The following NUBPL variants were observed in gnomAD, a reference collection of about 807,000 sequenced individuals.
The protein encoded by NUBPL is iron-sulfur cluster transfer protein NUBPL.
Under a neutral mutation model 45.7 loss-of-function variants are expected in NUBPL, and 31 were observed. The observed-to-expected ratio is 0.68, with a 90% CI of 0.51 to 0.92. The LOEUF (loss-of-function observed/expected upper bound fraction) is 0.92, where lower values mean the gene tolerates loss of function less well. Among genes scored for constraint, NUBPL ranks in the 40% least tolerant of loss-of-function variants. The pLI is 0.00. For synonymous variants in NUBPL, 144 were observed against 140.9 expected (o/e 1.02, Z -0.15); for missense variants, 401 against 398.7 (o/e 1.01, Z -0.05).
chr14:31,820,035 G>C (rs1163400338), intron 7 of NUBPL, among the ~76,000 whole-genome samples: 3 of 151,558 alleles, frequency 2.0e-5, no homozygotes, highest in Non-Finnish European at 2.9e-5. Flanking sequence ...AGCTACTCAG[G>C]AGGCTGAGGC....
intron 6 of NUBPL, among the ~76,000 whole-genome samples, chr14:31,711,046 T>C (rs2037559121): frequency 6.6e-6 from 1 of 152,094 alleles, no homozygotes; most frequent in African/African-American, 2.4e-5. Flanking sequence ...GAGGGGAAGT[T>C]TGTCTGACAG....
chr14:31,798,523 T>C (rs2039513029), intron 7 of NUBPL, among the ~76,000 whole-genome samples: 1 of 151,626 alleles, frequency 6.6e-6, no homozygotes, highest in African/African-American at 2.4e-5. Context: ...CCAGGTGCGG[T>C]GGCTCACGCC....
intron 6 of NUBPL, among the ~76,000 whole-genome samples, chr14:31,735,808 C>T (rs1249241591): frequency 2.0e-5 from 3 of 152,100 alleles, no homozygotes; most frequent in African/African-American, 7.2e-5. Flanking sequence ...GTCGGGATTG[C>T]ACCACTGCAC....
chr14:31,604,218 G>A (rs2034524052), intron 4 of NUBPL, among the ~76,000 whole-genome samples: 1 of 148,932 alleles, frequency 6.7e-6, no homozygotes, highest in South Asian at 2.1e-4. Flanking sequence ...TTGACAGGCT[G>A]ATCTTAAGTC....
chr14:31,739,749 T>C (rs1230076269), intron 6 of NUBPL, among the ~76,000 whole-genome samples: 1 of 152,196 alleles, frequency 6.6e-6, no homozygotes, highest in African/African-American at 2.4e-5. Flanking sequence ...TAATGACATA[T>C]ATCAACTGTA....
At chr14:31,674,705 C>G (rs902701422) in intron 6 of NUBPL, among the ~76,000 whole-genome samples, 2 of 152,106 alleles carry the variant, frequency 1.3e-5, no homozygotes, top group Admixed American at 1.3e-4. Context: ...TTGAATTTAG[C>G]TACCTTCACA....
chr14:31,716,582 C>T (rs181805939), intron 6 of NUBPL, among the ~76,000 whole-genome samples: 1 of 152,352 alleles, frequency 6.6e-6, no homozygotes, highest in African/African-American at 2.4e-5. Flanking sequence ...ATATCCTTCT[C>T]TGCACATAAC....
chr14:31,606,099 C>CT (rs56899102), intron 4 of NUBPL, among the ~76,000 whole-genome samples: 37,753 of 120,424 alleles, frequency 0.31, 6,390 homozygotes, highest in South Asian at 0.39. Flanking sequence ...CTTTTCTTTT[C>CT]TTTTTTTTTT....
chr14:31,766,711 C>T (rs2038919362), intron 6 of NUBPL, among the ~76,000 whole-genome samples: 1 of 152,110 alleles, frequency 6.6e-6, no homozygotes, highest in South Asian at 2.1e-4. Flanking sequence ...TCTGGTACCC[C>T]AAAAGCCAGT....
At chr14:31,751,001 G>T (rs899250092) in intron 6 of NUBPL, among the ~76,000 whole-genome samples, 1 of 152,060 alleles carries the variant, frequency 6.6e-6, no homozygotes, top group Non-Finnish European at 1.5e-5. Context: ...AGAGTGAAGA[G>T]GGAAGTACTA....
chr14:31,643,353 TCA>T (rs1281994838), intron 4 of NUBPL, among the ~76,000 whole-genome samples: 1 of 152,172 alleles, frequency 6.6e-6, no homozygotes, highest in East Asian at 1.9e-4. Flanking sequence ...AGGATTTTTA[TCA>T]TAAAGGGATG....
At position 31,576,123 on chromosome 14, in the gene NUBPL, G is replaced by A. The variant is rs573857053; in HGVS notation, c.291+11075G>A. Among the ~76,000 whole-genome samples the A allele has an allele frequency of 9.4e-5, 14 of 149,162 alleles. No individual in the cohort carries two copies. In the East Asian group the frequency reaches 1.6e-3, roughly 17 times the overall value. Reference sequence around the variant, plus strand: ...CTCATTATAATTGTTTAATTTTGTCGTGAATATTTGATAATTGTGACATCT... The same window carrying A: ...CTCATTATAATTGTTTAATTTTGTCATGAATATTTGATAATTGTGACATCT... On this transcript the variant is annotated intron_variant, in intron 3 of 10. Coordinates refer to ENST00000281081, the MANE Select transcript of NUBPL (RefSeq NM_025152.3).
intron 6 of NUBPL, among the ~76,000 whole-genome samples, chr14:31,734,947 C>T (rs181585565): frequency 7.9e-5 from 12 of 152,204 alleles, no homozygotes; most frequent in Admixed American, 3.9e-4. Flanking sequence ...TTTTATAGTC[C>T]CTACCATGCT....
At chr14:31,849,247 C>T (rs569830886) in intron 9 of NUBPL, among the ~76,000 whole-genome samples, 130 of 152,102 alleles carry the variant, frequency 8.5e-4, no homozygotes, top group Non-Finnish European at 1.5e-3. Context: ...AATAAAGCAC[C>T]ACATACACGT....
intron 4 of NUBPL, among the ~76,000 whole-genome samples, chr14:31,637,401 G>C (rs2035537641): frequency 6.6e-6 from 1 of 152,212 alleles, no homozygotes; most frequent in African/African-American, 2.4e-5. Flanking sequence ...GAGTGGTTTT[G>C]AGTGAGATTC....
At chr14:31,681,513 C>T (rs376521473) in intron 6 of NUBPL, among the ~76,000 whole-genome samples, 3 of 150,668 alleles carry the variant, frequency 2.0e-5, no homozygotes, top group South Asian at 2.1e-4. Context: ...CACCCTTAGA[C>T]GTTTTTCTGT....
chr14:31,624,175 A>G (rs1374465933), intron 4 of NUBPL, among the ~76,000 whole-genome samples: 1 of 152,180 alleles, frequency 6.6e-6, no homozygotes, highest in Non-Finnish European at 1.5e-5. Flanking sequence ...ATTAAAGAGA[A>G]TGGATGAATA....
chr14:31,729,506 G>A (rs1210095978), intron 6 of NUBPL, among the ~76,000 whole-genome samples: 2 of 151,992 alleles, frequency 1.3e-5, no homozygotes, highest in African/African-American at 4.8e-5. Context: ...ACATTTGAAT[G>A]TACAAATTTT....
In NUBPL at chr14:31,829,795, G is replaced by C. The variant is rs761526959; in HGVS notation, c.693+3081G>C. Among the ~76,000 whole-genome samples, 137 of 152,234 alleles carry C rather than the reference G, an allele frequency of 9.0e-4. 1 individual carries two copies. The highest frequency in any genetic ancestry group is 1.3e-3 in the Admixed American group (20 of 15,288). ...TTTAAATGATTTCTTAAAACTCAAG[G>C]CTTAGATAGGGGAAGTAGGAGAAGA... On this transcript the variant is annotated intron_variant, in intron 8 of 10. Transcript: ENST00000281081.
Sources: allele counts gnomAD v4.1 joint callset (sites outside exome capture counted in the v4.1 genomes callset), GRCh38; gene constraint gnomAD v4.1.1; transcripts MANE v1.5; gene names NCBI Gene and HGNC (gene_info 2026-07-23, HGNC 2026-07-21).